Variants in ADAMTS1 observed in about 807,000 individuals in gnomAD.
The protein encoded by ADAMTS1 is ADAM metallopeptidase with thrombospondin type 1 motif 1, also known as A disintegrin and metalloproteinase with thrombospondin motifs 1.
In ADAMTS1, 19 loss-of-function variants were observed where a neutral mutation model predicts 87.9. The observed-to-expected ratio is 0.22, with a 90% CI of 0.15 to 0.32. ADAMTS1 has a LOEUF of 0.32. Among genes scored for constraint, ADAMTS1 ranks in the 10% least tolerant of loss-of-function variants. The probability of loss-of-function intolerance (pLI) is 1.00; values close to 1 mark genes in which losing one functional copy is unlikely to be tolerated. For missense variants in ADAMTS1, 1,240 were observed against 1,259.1 expected, an observed-to-expected ratio of 0.98 and a Z score of 0.23; for synonymous variants, 542 against 501.8, an observed-to-expected ratio of 1.08 and a Z score of -1.07.
chr21:26,845,303 C>T lies in ADAMTS1; in HGVS notation c.-349G>A. The stretch of plus-strand genomic sequence containing the variant: ...CCTGGCGCCCCTCTTCGGCCTCCGC[C>T]TTGGCTGCGATGTTGCTCACTCTGC... On this transcript the variant is annotated 5_prime_UTR_variant, in exon 1 of 9. Transcript: ENST00000284984. The T allele has an allele frequency of 4.1e-6, 1 of 242,836 alleles. No individual in the cohort carries two copies. The highest frequency in any genetic ancestry group is 7.9e-6 in the Non-Finnish European group (1 of 127,218). The allele number at this position is 242,836 out of a possible 1,614,324, so 15.0% of individuals were successfully genotyped here. A position where few individuals can be genotyped will look rare whatever the true frequency, so the allele number is the denominator to read the frequency against.
chr21:26,843,504 GCA>G (rs200819960), intron 1 of ADAMTS1: 1 of 331,708 alleles, frequency 3.0e-6, no homozygotes, highest in Non-Finnish European at 6.3e-6. Flanking sequence ...AATAAGCACT[GCA>G]CAGAGAGAAG....
chr21:26,839,103 CT>C (rs542165880), intron 7 of ADAMTS1: 80 of 159,468 alleles, frequency 5.0e-4, no homozygotes, highest in African/African-American at 1.8e-3. Context: ...AGAAATGATG[CT>C]TTTCCTAGTT....
At position 26,838,149 on chromosome 21, in the gene ADAMTS1, A is replaced by C. The variant is rs1194674419; in HGVS notation, c.2334T>G (p.Ile778Met). ...LAIKAADGTYILNGDYTLSTL... is the reference protein window; with the variant it reads ...LAIKAADGTYMLNGDYTLSTL... ...TGGACAAAGTGTAGTCACCATTAAG[A>C]ATATATGTGCCATCAGCAGCTTTGA... The change falls in exon 9 of 9, where the codon ATT (isoleucine) becomes ATG (methionine). Residue 778 changes from isoleucine to methionine, a missense_variant. Physicochemically the swap from Ile to Met is conservative, Grantham distance 10. This residue lies in a region of ADAMTS1 where 402 missense variants were observed against 399.1 expected (regional missense o/e 1.01). Transcript: ENST00000284984. 2 of 1,614,124 alleles carry C rather than the reference A, an allele frequency of 1.2e-6. No individual in the cohort carries two copies. The highest frequency in any genetic ancestry group is 8.5e-7 in the Non-Finnish European group (1 of 1,180,014).
At chr21:26,839,391 A>C (rs1985443193) in intron 7 of ADAMTS1, 196 bp downstream of exon 7, 1 of 529,414 alleles carries the variant, frequency 1.9e-6, no homozygotes, top group African/African-American at 1.9e-5. Context: ...GAAGTGTTAG[A>C]TTTAAGCTTC....
At chr21:26,841,189 A>G (rs771567087) in intron 3 of ADAMTS1, 24 bp from the exon 4 acceptor site, 2 of 1,611,346 alleles carry the variant, frequency 1.2e-6, no homozygotes, top group Admixed American at 1.7e-5. Context: ...CAGAACCCAC[A>G]TTAAAGTATG....
In ADAMTS1 at chr21:26,842,591, G is replaced by T. The variant is rs142764880; in HGVS notation, c.825C>A (p.Gly275=). The change falls in exon 2 of 9, where the codon GGC becomes GGA. Residue 275 remains glycine (G), a synonymous_variant. Coordinates refer to ENST00000284984, the MANE Select transcript of ADAMTS1 (RefSeq NM_006988.5). ...TGAGAAGGTAATGCTTTAGACCACT[G>T]CCGTGGAATTCTGCCATCGACTGGT... ...VADQSMAEFH[G]SGLKHYLLTL... is the part of the protein sequence containing the mutation. 8.6e-5 allele frequency: 139 copies of T among 1,614,096 alleles called. No individual in the cohort carries two copies. In the African/African-American group the frequency reaches 1.7e-3, roughly 20 times the overall value.
Position 26,837,684 on chromosome 21 carries a change from C to G in ADAMTS1, c.2799G>C (p.Leu933Phe), listed in dbSNP as rs1180974990. ...TCGKGYKKRS[L>F]KCLSHDGGVL... ...CCCCTCCATCATGGGACAGACACTT[C>G]AAGCTTCTTTTTTTGTAACCCTTCC... The change falls in exon 9 of 9, where the codon TTG becomes TTC. Residue 933 changes from leucine to phenylalanine, a missense_variant. By Grantham distance (22) the Leu-to-Phe change is conservative. Transcript: ENST00000284984. The G allele has an allele frequency of 1.2e-6, 2 of 1,614,222 alleles. No individual in the cohort carries two copies. Among genetic ancestry groups the G allele is most frequent in the Admixed American group, 3.3e-5 (2 of 60,026 alleles).
At chr21:26,840,681 G>T in intron 4 of ADAMTS1, 119 bp from the exon 5 acceptor site, 1 of 1,174,226 alleles carries the variant, frequency 8.5e-7, no homozygotes, top group Non-Finnish European at 1.2e-6. Flanking sequence ...TCTGAAAACT[G>T]TAAAGCTGGG....
chr21:26,842,744 T>C, intron 1 of ADAMTS1, 59 bp from the exon 2 acceptor site: 1 of 1,422,370 alleles, frequency 7.0e-7, no homozygotes, highest in South Asian at 1.3e-5. Flanking sequence ...GTTACCTTCC[T>C]AGCATATATT....
At chr21:26,840,858 C>G (rs1985479209) in intron 4 of ADAMTS1, 140 bp downstream of exon 4, 1 of 1,078,358 alleles carries the variant, frequency 9.3e-7, no homozygotes, top group South Asian at 1.6e-5. Flanking sequence ...ATTAAGATCT[C>G]AACAGTTAGG....
rs409630 is a variant in ADAMTS1, at chr21:26,844,355, G to C, written c.600C>G (p.Val200=). ...CAGTCGGCCGGGGCTCGTCGTCCACGACCCCGCACGTGCCGCCGACGTCGC... is the reference window on the plus strand; with the variant it reads ...CAGTCGGCCGGGGCTCGTCGTCCACCACCCCGCACGTGCCGCCGACGTCGC... ...RQGDVGGTCG[V]VDDEPRPTGK... The change falls in exon 1 of 9, where the codon GTC becomes GTG. Residue 200 remains valine, a synonymous_variant. Transcript: ENST00000284984. The C allele has an allele frequency of 0.22, 348,520 of 1,598,194 alleles. 40,663 individuals carry two copies. Among genetic ancestry groups the C allele is most frequent in the South Asian group, 0.27 (24,484 of 89,382 alleles).
In ADAMTS1 at chr21:26,844,514, G is replaced by A. The variant is rs1445666085; in HGVS notation, c.441C>T (p.Gly147=). The change falls in exon 1 of 9, where the codon GGC becomes GGT. Residue 147 remains glycine (G), a synonymous_variant. Coordinates refer to ENST00000284984, the MANE Select transcript of ADAMTS1 (RefSeq NM_006988.5). ...ACGCCTCCCCCAGCAGGTAGAAGGC[G>A]CCGCGCACGCCCTCGCAGAGGCTGA... ...AALSLCEGVR[G]AFYLLGEAYF... 3 of 1,597,946 alleles carry A rather than the reference G, an allele frequency of 1.9e-6. No homozygotes were observed. Among genetic ancestry groups the A allele is most frequent in the African/African-American group, 1.3e-5 (1 of 74,608 alleles).
chr21:26,837,713 A>G lies in ADAMTS1; in HGVS notation c.2770T>C (p.Cys924Arg). 6.2e-7 allele frequency: 1 copy of G among 1,614,192 alleles called. No homozygotes were observed. The highest frequency in any genetic ancestry group is 8.5e-7 in the Non-Finnish European group (1 of 1,180,040). ...LGEWSSCSKT[C>R]GKGYKKRSLK... Reference sequence around the variant, plus strand: ...CTTCTTTTTTTGTAACCCTTCCCACAGGTCTTAGAACATGATGACCACTCC... The same window carrying G: ...CTTCTTTTTTTGTAACCCTTCCCACGGGTCTTAGAACATGATGACCACTCC... Residue 924 changes from cysteine to arginine, a missense_variant, in exon 9 of 9, where the codon TGT becomes CGT. Physicochemically the swap from Cys to Arg is radical, Grantham distance 180. Coordinates refer to ENST00000284984, the MANE Select transcript of ADAMTS1 (RefSeq NM_006988.5).
chr21:26,844,867 A>G lies in ADAMTS1; in HGVS notation c.88T>C (p.Phe30Leu). ...NAERAPGSRSFGPVPTLLLLA... is the reference protein window; with the variant it reads ...NAERAPGSRSLGPVPTLLLLA... ...AGCAGCAGCGTGGGTACTGGCCCAA[A>G]GCTCCGAGACCCCGGAGCCCGCTCC... is the stretch of plus-strand genomic sequence containing the variant. Residue 30 changes from phenylalanine (F) to leucine (L), a missense_variant, in exon 1 of 9, where the codon TTT (phenylalanine) becomes CTT (leucine). Around this residue, in one of 3 missense-constraint regions of ADAMTS1, gnomAD observed 521 missense variants for 449.7 expected, o/e 1.16. Transcript: ENST00000284984. 6.4e-7 allele frequency: 1 copy of G among 1,554,822 alleles called. No homozygotes were observed. The highest frequency in any genetic ancestry group is 8.7e-7 in the Non-Finnish European group (1 of 1,151,098).
Position 26,838,260 on chromosome 21 carries a change from G to A in ADAMTS1, c.2223C>T (p.Ile741=). The change falls in exon 9 of 9, where the codon ATC becomes ATT. Residue 741 remains isoleucine (I), a synonymous_variant. Coordinates refer to ENST00000284984, the MANE Select transcript of ADAMTS1 (RefSeq NM_006988.5). ...TGGTGGCTCCAGTTGGAATTGTGATGATATCATGATATCCAGGTCTGCAGG... is the reference window on the plus strand; with the variant it reads ...TGGTGGCTCCAGTTGGAATTGTGATAATATCATGATATCCAGGTCTGCAGG... ...VTSAKPGYHD[I]ITIPTGATNI... is the part of the protein sequence containing the mutation. 1 of 1,608,418 alleles carries A rather than the reference G, an allele frequency of 6.2e-7. No individual in the cohort carries two copies.
intron 7 of ADAMTS1, 71 bp downstream of exon 7, chr21:26,839,516 C>T (rs1031639041): frequency 3.7e-6 from 5 of 1,365,474 alleles, no homozygotes; most frequent in South Asian, 3.5e-5. Context: ...GAAAGTATAA[C>T]AAAAATTGTT....
At chr21:26,843,874 T>TA in intron 1 of ADAMTS1, 1 of 464,944 alleles carries the variant, frequency 2.2e-6, no homozygotes, top group South Asian at 1.7e-5. Flanking sequence ...ACAAAATCAT[T>TA]AAAAAGAAAT....
chr21:26,842,889 C>T (rs910218397), intron 1 of ADAMTS1: 4 of 584,282 alleles, frequency 6.8e-6, no homozygotes, highest in Admixed American at 3.1e-5. Flanking sequence ...AGACCACGCG[C>T]TCCTTTGCAT....
chr21:26,842,903 C>G, intron 1 of ADAMTS1: 1 of 564,308 alleles, frequency 1.8e-6, no homozygotes, highest in East Asian at 3.0e-5. Flanking sequence ...TTTGCATGGT[C>G]AGGATCTTTC....
Sources: allele counts gnomAD v4.1 joint callset, GRCh38; gene constraint gnomAD v4.1.1; regional missense constraint gnomAD v4.1.1; transcripts MANE v1.5; gene names NCBI Gene and HGNC (gene_info 2026-07-23, HGNC 2026-07-21).